Variants in MRPL38 observed in about 807,000 individuals in gnomAD.
MRPL38 encodes the protein mitochondrial ribosomal protein L38, also known as large ribosomal subunit protein mL38.
MRPL38 carries 51 observed loss-of-function variants against 52.1 expected under a neutral mutation model. The ratio of observed to expected loss-of-function variants is 0.98; its 90% CI spans 0.78 to 1.24. MRPL38 has a LOEUF of 1.24. Ranked by LOEUF, MRPL38 falls within the 50% of genes most tolerant of loss-of-function variation. MRPL38 has a pLI of 0.00. For synonymous variants in MRPL38, 245 were observed against 212.7 expected (o/e 1.15, Z -1.32); for missense variants, 527 against 518.6 (o/e 1.02, Z -0.16).
At position 75,899,613 on chromosome 17, in the gene MRPL38, AG is replaced by A. The variant is rs758439223; in HGVS notation, c.771del (p.Phe258SerfsTer54). 1.5e-5 allele frequency: 24 copies of A among 1,606,970 alleles called. No homozygotes were observed. The highest frequency in any genetic ancestry group is 1.7e-4 in the Middle Eastern group (1 of 6,054). ...EGQVTCPYLP[P>X]FPARGSGIHR... is the part of the protein sequence containing the mutation. Reference sequence around the variant, plus strand: ...TGGATGCCGGAGCCTCGGGCAGGGAAGGGGGGGAGGTAGGGACACGTCACCT... The same window carrying A: ...TGGATGCCGGAGCCTCGGGCAGGGAAGGGGGGAGGTAGGGACACGTCACCT... On this transcript the variant is annotated frameshift_variant, in exon 7 of 9. Coordinates refer to ENST00000309352, the MANE Select transcript of MRPL38 (RefSeq NM_032478.4). LOFTEE classifies it high-confidence loss of function.
At chr17:75,904,768 C>CGGGG in intron 1 of MRPL38, 41 bp downstream of exon 1, 1 of 1,056,364 alleles carries the variant, frequency 9.5e-7, no homozygotes, top group Non-Finnish European at 1.2e-6. Context: ...GCTCGGGCGA[C>CGGGG]AGCCCCCCCC....
chr17:75,901,734 C>T lies in MRPL38; in HGVS notation c.569G>A (p.Gly190Asp). ...GEDDLMPVYCGNEVTPTEAAQ... is the reference protein window; with the variant it reads ...GEDDLMPVYCDNEVTPTEAAQ... The stretch of plus-strand genomic sequence containing the variant: ...TACCTCGGTTGGAGTCACCTCATTG[C>T]CACAGTACACAGGCATCAGGTCATC... Residue 190 changes from glycine (G) to aspartate (D), a missense_variant, in exon 4 of 9, where the codon GGC becomes GAC. By Grantham distance (94) the Gly-to-Asp change is moderately conservative. Coordinates refer to ENST00000309352, the MANE Select transcript of MRPL38 (RefSeq NM_032478.4). The surrounding 1 kb of genome is among the most constrained non-coding windows in gnomAD (Gnocchi z 5.7). 2.5e-6 allele frequency: 4 copies of T among 1,613,782 alleles called. No individual in the cohort carries two copies. Among genetic ancestry groups the T allele is most frequent in the Non-Finnish European group, 3.4e-6 (4 of 1,179,882 alleles).
Position 75,901,153 on chromosome 17 carries a change from C to T in MRPL38, c.664+48G>A. On this transcript the variant is annotated intron_variant, in intron 5 of 8. Transcript: ENST00000309352. The surrounding 1 kb of genome is among the most constrained non-coding windows in gnomAD (Gnocchi z 5.7). ...CCCCCAGCCCCCCAGGGCCCTGGCT[C>T]ATAGGAGGTGAGCGGGGCAGGAGGC... is the stretch of plus-strand genomic sequence containing the variant. The T allele has an allele frequency of 1.2e-6, 2 of 1,608,860 alleles. No individual in the cohort carries two copies. Among genetic ancestry groups the T allele is most frequent in the Non-Finnish European group, 1.7e-6 (2 of 1,177,838 alleles).
intron 1 of MRPL38, 31 bp from the exon 2 acceptor site, chr17:75,904,750 G>GC (rs2065421142): frequency 7.6e-7 from 1 of 1,312,608 alleles, no homozygotes; most frequent in African/African-American, 1.7e-5. Flanking sequence ...TAAGGCCGGC[G>GC]CCCCACAGCT....
intron 6 of MRPL38, 196 bp downstream of exon 6, chr17:75,900,786 C>T: frequency 7.1e-7 from 1 of 1,403,704 alleles, no homozygotes. Context: ...AGGCCTACTG[C>T]AAACTTTGTC....
At position 75,902,167 on chromosome 17, in the gene MRPL38, G is replaced by A; in HGVS notation, c.248-13C>T. 6.4e-7 allele frequency: 1 copy of A among 1,551,918 alleles called. No individual in the cohort carries two copies. Among genetic ancestry groups the A allele is most frequent in the Non-Finnish European group, 8.7e-7 (1 of 1,147,104 alleles). ...TTCTCTTTGGGATCTGGAGTGGGAA[G>A]ATGTGTGGGAAAAACAGGGTCATGA... On this transcript the variant is annotated splice_polypyrimidine_tract_variant and intron_variant, in intron 2 of 8. Coordinates refer to ENST00000309352, the MANE Select transcript of MRPL38 (RefSeq NM_032478.4).
rs775355402 is a variant in MRPL38, at chr17:75,901,295, T to C, written c.592-22A>G. 3.7e-6 allele frequency: 6 copies of C among 1,610,888 alleles called. No homozygotes were observed. Among genetic ancestry groups the C allele is most frequent in the African/African-American group, 2.7e-5 (2 of 75,010 alleles). On this transcript the variant is annotated intron_variant, in intron 4 of 8. Coordinates refer to ENST00000309352, the MANE Select transcript of MRPL38 (RefSeq NM_032478.4). This position sits in a 1 kb window ranked among gnomAD's most constrained non-coding sequence, Gnocchi z 5.7. ...CAGCCTGGCAGGGTGAGAAGGAAGCTGTCAGCCCCACCAGGGACAGGCCAG... is the reference window on the plus strand; with the variant it reads ...CAGCCTGGCAGGGTGAGAAGGAAGCCGTCAGCCCCACCAGGGACAGGCCAG...
chr17:75,904,770 G>GGGGGGGCC, intron 1 of MRPL38, 39 bp downstream of exon 1: 1 of 500,008 alleles, frequency 2.0e-6, no homozygotes, highest in Non-Finnish European at 2.8e-6. Context: ...TCGGGCGACA[G>GGGGGGGCC]CCCCCCCCCC....
At position 75,902,031 on chromosome 17, in the gene MRPL38, C is replaced by T. The variant is rs149389844; in HGVS notation, c.371G>A (p.Arg124His). The T allele has an allele frequency of 3.6e-5, 58 of 1,613,508 alleles. No individual in the cohort carries two copies. The highest frequency in any genetic ancestry group is 1.6e-4 in the Middle Eastern group (1 of 6,082). The change falls in exon 3 of 9, where the codon CGC (arginine) becomes CAC (histidine). Residue 124 changes from arginine (R) to histidine (H), a missense_variant. Physicochemically the swap from Arg to His is conservative, Grantham distance 29 (BLOSUM62 0). Transcript: ENST00000309352. ...RANVEEERAA[R>H]LRTASVPLDA... is the part of the protein sequence containing the mutation. ...CTGAGAAGGCTTACCTGTGCGGAGG[C>T]GGGCAGCCCGCTCCTCTTCCACATT... is the stretch of plus-strand genomic sequence containing the variant.
Position 75,899,578 on chromosome 17 carries a change from G to A in MRPL38, c.807C>T (p.Ala269=), listed in dbSNP as rs767109741. 9 of 1,608,702 alleles carry A rather than the reference G, an allele frequency of 5.6e-6. No individual in the cohort carries two copies. Among genetic ancestry groups the A allele is most frequent in the Middle Eastern group, 1.7e-4 (1 of 6,050 alleles). ...PARGSGIHRL[A]FLLFKQDQPI... is the part of the protein sequence containing the mutation. Reference sequence around the variant, plus strand: ...GCTGGTCCTGCTTGAAGAGCAGGAAGGCAAGACGGTGGATGCCGGAGCCTC... The same window carrying A: ...GCTGGTCCTGCTTGAAGAGCAGGAAAGCAAGACGGTGGATGCCGGAGCCTC... The change falls in exon 7 of 9, where the codon GCC becomes GCT. Residue 269 remains alanine (A), a synonymous_variant. Coordinates refer to ENST00000309352, the MANE Select transcript of MRPL38 (RefSeq NM_032478.4).
chr17:75,904,472 G>A (rs2065419247), intron 2 of MRPL38, 68 bp downstream of exon 2: 2 of 1,451,526 alleles, frequency 1.4e-6, no homozygotes, highest in Admixed American at 5.3e-5. Flanking sequence ...CCAGCGCCCG[G>A]GGAAAACGCC....
At chr17:75,900,917 T>C (rs1357338834) in intron 6 of MRPL38, 65 bp downstream of exon 6, 5 of 1,571,848 alleles carry the variant, frequency 3.2e-6, no homozygotes, top group Non-Finnish European at 4.3e-6. Flanking sequence ...AGCAGCTCAG[T>C]CCAGGCTCCC....
Position 75,899,547 on chromosome 17 carries a change from C to CA in MRPL38, c.837dup (p.Asp280Ter). On this transcript the variant is annotated frameshift_variant, in exon 7 of 9. Transcript: ENST00000309352. LOFTEE classifies it high-confidence loss of function. ...GAGGGGCGTGCGTCCTCAGAGAAGT[C>CA]AATCGGCTGGTCCTGCTTGAAGAGC... The CA allele has an allele frequency of 2.5e-6, 4 of 1,601,666 alleles. No individual in the cohort carries two copies. Among genetic ancestry groups the CA allele is most frequent in the Non-Finnish European group, 3.4e-6 (4 of 1,171,898 alleles).
In MRPL38 at chr17:75,901,781, G is replaced by A. The variant is rs370235708; in HGVS notation, c.522C>T (p.His174=). ...CATCCTCACCCACAGCGTAGGCCAC[G>A]TGCAGGGGGACTCGGGGCACAAAGG... ...GATFVPRVPL[H]VAYAVGEDDL... Residue 174 remains histidine (H), a synonymous_variant, in exon 4 of 9, where the codon CAC becomes CAT. Coordinates refer to ENST00000309352, the MANE Select transcript of MRPL38 (RefSeq NM_032478.4). The surrounding 1 kb of genome is among the most constrained non-coding windows in gnomAD (Gnocchi z 5.7). 1.9e-5 allele frequency: 31 copies of A among 1,613,628 alleles called. No individual in the cohort carries two copies. Among genetic ancestry groups the A allele is most frequent in the Non-Finnish European group, 2.5e-5 (29 of 1,179,894 alleles).
intron 2 of MRPL38, among the ~76,000 whole-genome samples, chr17:75,903,588 G>A (rs559134525): frequency 6.6e-6 from 1 of 152,254 alleles, no homozygotes; most frequent in African/African-American, 2.4e-5. Context: ...GGCTGAGCTA[G>A]GATTTAAATC....
rs759329353 is a variant in MRPL38, at chr17:75,899,497, T to C, written c.869+19A>G. ...GGAGCTGGCCTGAGGCCGGGTTATG[T>C]GTGGGTGGTGTAGATTACCAGGGTG... On this transcript the variant is annotated intron_variant, in intron 7 of 8. Coordinates refer to ENST00000309352, the MANE Select transcript of MRPL38 (RefSeq NM_032478.4). 134 of 1,565,204 alleles carry C rather than the reference T, an allele frequency of 8.6e-5. 2 individuals carry two copies.
chr17:75,900,720 CAAAA>C (rs5822109), intron 6 of MRPL38: 6,475 of 1,022,936 alleles, frequency 6.3e-3, no homozygotes, highest in Middle Eastern at 0.017. Flanking sequence ...GACCCTGTCT[CAAAA>C]AAAAAAAAAA....
Position 75,904,610 on chromosome 17 carries a change from G to T in MRPL38, c.177C>A (p.Arg59=). The part of the protein sequence containing the change: ...EKYRSFDRYR[R]RAEQEAQAPH... The stretch of plus-strand genomic sequence containing the variant: ...GGGCCTGCGCCTCCTGCTCTGCTCG[G>T]CGCCGGTAGCGGTCGAAGCTCCGGT... The change falls in exon 2 of 9, where the codon CGC becomes CGA. Residue 59 remains arginine, a synonymous_variant. Transcript: ENST00000309352. 3 of 1,593,084 alleles carry T rather than the reference G, an allele frequency of 1.9e-6. No individual in the cohort carries two copies. Among genetic ancestry groups the T allele is most frequent in the Non-Finnish European group, 2.5e-6 (3 of 1,176,890 alleles).
Position 75,901,227 on chromosome 17 carries a change from A to C in MRPL38, c.638T>G (p.Leu213Trp). The change falls in exon 5 of 9, where the codon TTG becomes TGG. Residue 213 changes from leucine to tryptophan, a missense_variant. Physicochemically the swap from Leu to Trp is moderately conservative, Grantham distance 61 (BLOSUM62 -2). Transcript: ENST00000309352. This position sits in a 1 kb window ranked among gnomAD's most constrained non-coding sequence, Gnocchi z 5.7. Reference sequence around the variant, plus strand: ...CAAGCTAGTGAGTAGCAACGTCCACAAGGAGCCCTCTTCTGCCTCATAGGT... The same window carrying C: ...CAAGCTAGTGAGTAGCAACGTCCACCAGGAGCCCTCTTCTGCCTCATAGGT... ...EVTYEAEEGS[L>W]WTLLLTSLDG... 1 of 1,613,664 alleles carries C rather than the reference A, an allele frequency of 6.2e-7. No homozygotes were observed. The highest frequency in any genetic ancestry group is 8.5e-7 in the Non-Finnish European group (1 of 1,179,858).
Sources: allele counts gnomAD v4.1 joint callset (sites outside exome capture counted in the v4.1 genomes callset), GRCh38; gene constraint gnomAD v4.1.1; non-coding constraint Gnocchi (gnomAD v3.1); transcripts MANE v1.5; gene names NCBI Gene and HGNC (gene_info 2026-07-23, HGNC 2026-07-21).